NAALADL2: variants seen among roughly 807,000 people sequenced by gnomAD.
NAALADL2 encodes inactive N-acetylated-alpha-linked acidic dipeptidase-like protein 2.
Under a neutral mutation model 87.2 loss-of-function variants are expected in NAALADL2, and 76 were observed. That is an observed-to-expected ratio of 0.87 (90% CI 0.72 to 1.05). The LOEUF (loss-of-function observed/expected upper bound fraction) is 1.05, where lower values mean the gene tolerates loss of function less well. Among genes scored for constraint, NAALADL2 ranks in the 50% least tolerant of loss-of-function variants. The pLI, the probability that NAALADL2 is intolerant of heterozygous loss-of-function variation, is 0.00. For synonymous variants in NAALADL2, 354 were observed against 331.0 expected (o/e 1.07, Z -0.75); for missense variants, 1,089 against 945.8 (o/e 1.15, Z -1.99).
At chr3:174,543,981 C>G (rs1011290656) in intron 1 of NAALADL2, among the ~76,000 whole-genome samples, 1 of 151,224 alleles carries the variant, frequency 6.6e-6, no homozygotes, top group African/African-American at 2.4e-5. Context: ...GCACTCCAGC[C>G]TGGGTGACAA....
At chr3:174,717,509 C>G (rs911297040) in intron 2 of NAALADL2, among the ~76,000 whole-genome samples, 2 of 152,134 alleles carry the variant, frequency 1.3e-5, no homozygotes, top group African/African-American at 4.8e-5. Flanking sequence ...TGGAAAAGAT[C>G]AAATACTTAA....
chr3:175,698,483 T>TTATTTATATATATA (rs1553953640), intron 11 of NAALADL2, among the ~76,000 whole-genome samples: 29 of 67,738 alleles, frequency 4.3e-4, no homozygotes, highest in African/African-American at 2.4e-3. Flanking sequence ...GTATATATAT[T>TTATTTATATATATA]TATATATATA....
intron 9 of NAALADL2, among the ~76,000 whole-genome samples, chr3:175,566,163 T>C (rs565470902): frequency 7.2e-5 from 11 of 152,148 alleles, no homozygotes; most frequent in Non-Finnish European, 1.0e-4. Flanking sequence ...TTTCATACTA[T>C]ATTTTACAAT....
At chr3:174,858,504 C>A (rs184259407), upstream of NAALADL2, among the ~76,000 whole-genome samples, 23 of 152,072 alleles carry the variant, frequency 1.5e-4, no homozygotes, top group African/African-American at 5.1e-4. Flanking sequence ...ATGCAAATAT[C>A]ATGACTCTCC....
intron 1 of NAALADL2, among the ~76,000 whole-genome samples, chr3:175,020,094 G>T (rs1751377455): frequency 6.6e-6 from 1 of 152,044 alleles, no homozygotes; most frequent in Admixed American, 6.6e-5. Flanking sequence ...GAAATCCACA[G>T]ATTCTGTTGG....
intron 11 of NAALADL2, among the ~76,000 whole-genome samples, chr3:175,680,227 C>A (rs566128174): frequency 1.3e-5 from 2 of 152,232 alleles, no homozygotes; most frequent in East Asian, 3.9e-4. Context: ...TAAAAATATT[C>A]CATGGTGATT....
At chr3:175,197,255 A>G (rs998837668) in intron 2 of NAALADL2, among the ~76,000 whole-genome samples, 1 of 152,034 alleles carries the variant, frequency 6.6e-6, no homozygotes, top group Non-Finnish European at 1.5e-5. Flanking sequence ...TTAACTGTGA[A>G]TAAGCCCGCG....
At chr3:175,153,466 A>G (rs867293064) in intron 2 of NAALADL2, among the ~76,000 whole-genome samples, 2 of 152,174 alleles carry the variant, frequency 1.3e-5, no homozygotes, top group African/African-American at 2.4e-5. Context: ...GCAGCTCTTC[A>G]TATACAGTTT....
chr3:174,787,042 AATT>A (rs1484502078), intron 3 of NAALADL2, among the ~76,000 whole-genome samples: 1 of 151,264 alleles, frequency 6.6e-6, no homozygotes, highest in Non-Finnish European at 1.5e-5. Context: ...CAATATAATA[AATT>A]ATTATATTAT....
chr3:174,844,844 T>G (rs1340592085), intron 3 of NAALADL2, among the ~76,000 whole-genome samples: 5 of 132,052 alleles, frequency 3.8e-5, no homozygotes, highest in African/African-American at 1.5e-4. Flanking sequence ...GGTTTTTTTT[T>G]TTTTTTTTTT....
chr3:175,681,235 GA>G (rs1268372597), intron 11 of NAALADL2, among the ~76,000 whole-genome samples: 1 of 151,938 alleles, frequency 6.6e-6, no homozygotes, highest in Non-Finnish European at 1.5e-5. Context: ...ATAGAATCAA[GA>G]AGTGGTTATT....
chr3:175,640,931 G>A (rs1457681629), intron 11 of NAALADL2, among the ~76,000 whole-genome samples: 1 of 152,122 alleles, frequency 6.6e-6, no homozygotes, highest in Non-Finnish European at 1.5e-5. Context: ...ATACATAGAT[G>A]CAACACTAAA....
chr3:175,223,340 ATT>A (rs71626204), intron 2 of NAALADL2, among the ~76,000 whole-genome samples: 4 of 139,958 alleles, frequency 2.9e-5, no homozygotes, highest in African/African-American at 7.9e-5. Flanking sequence ...TATTAGTTTG[ATT>A]TTTTTTTTTT....
intron 1 of NAALADL2, among the ~76,000 whole-genome samples, chr3:174,925,747 C>A (rs968509753): frequency 6.6e-6 from 1 of 152,066 alleles, no homozygotes; most frequent in African/African-American, 2.4e-5. Context: ...TCTTTTATTT[C>A]ATTGAGCTGT....
chr3:175,697,429 A>G (rs1261498316), intron 11 of NAALADL2, among the ~76,000 whole-genome samples: 1 of 151,466 alleles, frequency 6.6e-6, no homozygotes, highest in East Asian at 1.9e-4. Context: ...ACACACACAC[A>G]CACAAAACCC....
intron 1 of NAALADL2, among the ~76,000 whole-genome samples, chr3:174,930,613 A>ATTTTTTT (rs1188907600): frequency 4.0e-5 from 4 of 99,770 alleles, no homozygotes; most frequent in African/African-American, 1.3e-4. Context: ...AATAAGATGA[A>ATTTTTTT]CTTTTTTTTT....
chr3:175,086,721 G>T (rs1221490152), intron 1 of NAALADL2, among the ~76,000 whole-genome samples: 1 of 151,910 alleles, frequency 6.6e-6, no homozygotes, highest in East Asian at 1.9e-4. Context: ...AATGACATAA[G>T]AATTGCTCAT....
At chr3:174,787,620 T>G (rs1389655637) in intron 3 of NAALADL2, among the ~76,000 whole-genome samples, 1 of 117,490 alleles carries the variant, frequency 8.5e-6, no homozygotes, top group Non-Finnish European at 1.8e-5. Context: ...TATATATATA[T>G]AGTAGTGACT....
intron 1 of NAALADL2, among the ~76,000 whole-genome samples, chr3:174,528,923 G>A (rs1366870516): frequency 6.6e-6 from 1 of 152,036 alleles, no homozygotes; most frequent in East Asian, 1.9e-4. Flanking sequence ...TTTGGGTGGG[G>A]ACACAGTCAA....
Sources: allele counts gnomAD v4.1 joint callset (sites outside exome capture counted in the v4.1 genomes callset), GRCh38; gene constraint gnomAD v4.1.1; transcripts MANE v1.5; gene names NCBI Gene and HGNC (gene_info 2026-07-23, HGNC 2026-07-21).